Variants in LINGO2 observed in about 807,000 individuals in gnomAD.
LINGO2 encodes leucine-rich repeat and immunoglobulin-like domain-containing nogo receptor-interacting protein 2.
Under a neutral mutation model 30.6 loss-of-function variants are expected in LINGO2, and 14 were observed. The ratio of observed to expected loss-of-function variants is 0.46; its 90% confidence interval spans 0.30 to 0.72. The LOEUF (loss-of-function observed/expected upper bound fraction) is 0.72. LINGO2 is among the 30% of genes least tolerant of loss of function. The pLI, the probability that LINGO2 is intolerant of heterozygous loss-of-function variation, is 0.07. For missense variants in LINGO2, 729 were observed against 751.7 expected, an observed-to-expected ratio of 0.97 and a Z score of 0.35; for synonymous variants, 317 against 288.5, an observed-to-expected ratio of 1.10 and a Z score of -1.00.
intron 1 of LINGO2, among the ~76,000 whole-genome samples, chr9:28,534,380 T>C (rs1373212146): frequency 6.6e-6 from 1 of 152,180 alleles, no homozygotes; most frequent in Non-Finnish European, 1.5e-5. Context: ...TACTATATAC[T>C]ATAGAGCATG....
the LINGO2 span, among the ~76,000 whole-genome samples, chr9:29,001,340 G>C: frequency 6.6e-6 from 1 of 151,748 alleles, no homozygotes; most frequent in Non-Finnish European, 1.5e-5. Context: ...ACAATTTTTG[G>C]TAGTTTATGT....
At chr9:28,336,902 A>G (rs1439857964) in intron 3 of LINGO2, among the ~76,000 whole-genome samples, 1 of 151,910 alleles carries the variant, frequency 6.6e-6, no homozygotes, top group Admixed American at 6.6e-5. Flanking sequence ...TCACAAAGAC[A>G]ATTTTGAGCT....
intron 2 of LINGO2, among the ~76,000 whole-genome samples, chr9:28,379,374 C>A (rs937175105): frequency 6.6e-6 from 1 of 152,010 alleles, no homozygotes; most frequent in Non-Finnish European, 1.5e-5. Context: ...ATTTTTTTCT[C>A]TCTCACTAGG....
chr9:28,233,030 T>TTATATATATA (rs1554690875), intron 4 of LINGO2, among the ~76,000 whole-genome samples: 1,169 of 77,514 alleles, frequency 0.015, 36 homozygotes, highest in African/African-American at 0.053. Context: ...ACAGTAAACA[T>TTATATATATA]TATATATATA....
chr9:27,949,368 T>C, exon 6 of LINGO2: 2 of 1,614,122 alleles, frequency 1.2e-6, no homozygotes, highest in Non-Finnish European at 1.7e-6. Context: ...CGGGTCTCCA[T>C]CTGCACTGCA....
chr9:28,891,258 G>C, the LINGO2 span, among the ~76,000 whole-genome samples: 6 of 151,888 alleles, frequency 4.0e-5, no homozygotes, highest in African/African-American at 1.4e-4. Context: ...TGTATTCTAT[G>C]TGTGCCTCAC....
chr9:28,965,895 T>G, the LINGO2 span, among the ~76,000 whole-genome samples: 1 of 152,136 alleles, frequency 6.6e-6, no homozygotes, highest in Non-Finnish European at 1.5e-5. Flanking sequence ...AAGGGCTGCA[T>G]AGGGAAAATT....
chr9:28,133,171 T>C (rs1436118094), intron 4 of LINGO2, among the ~76,000 whole-genome samples: 1 of 152,202 alleles, frequency 6.6e-6, no homozygotes, highest in African/African-American at 2.4e-5. Context: ...TATTCACAAG[T>C]AAACTTTGAA....
At chr9:29,174,975 G>A in the LINGO2 span, among the ~76,000 whole-genome samples, 1 of 152,146 alleles carries the variant, frequency 6.6e-6, no homozygotes, top group Non-Finnish European at 1.5e-5. Flanking sequence ...TTAAAATAAT[G>A]GTGGGCTGGG....
At chr9:28,963,674 G>C in the LINGO2 span, among the ~76,000 whole-genome samples, 3 of 151,698 alleles carry the variant, frequency 2.0e-5, no homozygotes, top group African/African-American at 7.3e-5. Context: ...AAATAAGCCA[G>C]GTGCAGAAAG....
the LINGO2 span, among the ~76,000 whole-genome samples, chr9:29,014,381 C>T: frequency 6.6e-6 from 1 of 152,080 alleles, no homozygotes; most frequent in East Asian, 1.9e-4. Context: ...GGGTTAGATA[C>T]CTCAGGGTTA....
the LINGO2 span, among the ~76,000 whole-genome samples, chr9:28,781,137 CT>C: frequency 1.3e-5 from 2 of 152,052 alleles, no homozygotes; most frequent in African/African-American, 4.8e-5. Flanking sequence ...GGGGTTTGGC[CT>C]TACATTATGT....
At chr9:28,403,391 G>A (rs1053877984) in intron 2 of LINGO2, among the ~76,000 whole-genome samples, 5 of 152,132 alleles carry the variant, frequency 3.3e-5, no homozygotes, top group African/African-American at 1.2e-4. Context: ...GCTTCTATAA[G>A]GTGGCTATTT....
At chr9:28,781,437 C>G in the LINGO2 span, among the ~76,000 whole-genome samples, 1 of 152,106 alleles carries the variant, frequency 6.6e-6, no homozygotes. Flanking sequence ...AAAGATAGCA[C>G]GCTGAAAATT....
At chr9:28,856,131 G>T in the LINGO2 span, among the ~76,000 whole-genome samples, 2 of 151,874 alleles carry the variant, frequency 1.3e-5, no homozygotes, top group East Asian at 3.9e-4. Flanking sequence ...AATAGGAAGC[G>T]TAATATGAAT....
At chr9:28,340,964 G>T (rs1825746581) in intron 3 of LINGO2, among the ~76,000 whole-genome samples, 1 of 151,980 alleles carries the variant, frequency 6.6e-6, no homozygotes, top group Non-Finnish European at 1.5e-5. Flanking sequence ...TCTCTTTAAA[G>T]GGCAAATAAA....
At chr9:28,488,116 C>A (rs957710502) in intron 1 of LINGO2, among the ~76,000 whole-genome samples, 1 of 152,178 alleles carries the variant, frequency 6.6e-6, no homozygotes, top group Admixed American at 6.6e-5. Flanking sequence ...ATTTCTCCCA[C>A]TTTCCCCATG....
intron 3 of LINGO2, among the ~76,000 whole-genome samples, chr9:28,331,885 G>GA (rs1316120149): frequency 1.3e-5 from 2 of 152,140 alleles, no homozygotes; most frequent in African/African-American, 4.8e-5. Context: ...CACTAACCTG[G>GA]ATGTGGTGGG....
the LINGO2 span, among the ~76,000 whole-genome samples, chr9:28,744,641 T>TGTGTGTG: frequency 9.6e-6 from 1 of 104,058 alleles, no homozygotes; most frequent in Non-Finnish European, 2.0e-5. Context: ...TGTGTGTGTA[T>TGTGTGTG]TTTTTTTTTT....
Sources: allele counts gnomAD v4.1 joint callset (sites outside exome capture counted in the v4.1 genomes callset), GRCh38; gene constraint gnomAD v4.1.1; transcripts MANE v1.5; gene names NCBI Gene and HGNC (gene_info 2026-07-23, HGNC 2026-07-21).